The following SRGAP3 variants were observed in gnomAD, a reference collection of about 807,000 sequenced individuals.
SRGAP3 encodes the protein SLIT-ROBO Rho GTPase-activating protein 3.
SRGAP3 carries 39 observed loss-of-function variants against 121.1 expected under a neutral mutation model. That is an observed-to-expected ratio of 0.32 (90% CI 0.25 to 0.42). SRGAP3 has a LOEUF of 0.42. SRGAP3 is among the 10% of genes least tolerant of loss of function. SRGAP3 has a pLI of 1.00. For missense variants in SRGAP3, 1,213 were observed against 1,470.6 expected, an observed-to-expected ratio of 0.82 and a Z score of 2.86; for synonymous variants, 601 against 570.0, an observed-to-expected ratio of 1.05 and a Z score of -0.77.
At chr3:9,265,844 C>G (rs1175779739) in intron 3 of SRGAP3, among the ~76,000 whole-genome samples, 1 of 152,146 alleles carries the variant, frequency 6.6e-6, no homozygotes, top group Non-Finnish European at 1.5e-5. Flanking sequence ...TCCAGAAATA[C>G]CATTTAACCC....
rs533197239 is a variant in SRGAP3 at position 9,302,764 on chromosome 3, T to G, written n.442+23246A>C. ...CCTATCCCGGGGGAAGAGCGCCACCTGGCGAACCGCTCTGAGAATGTCCCA... is the reference window on the plus strand; with the variant it reads ...CCTATCCCGGGGGAAGAGCGCCACCGGGCGAACCGCTCTGAGAATGTCCCA... On this transcript the variant is annotated intron_variant and non_coding_transcript_variant, in intron 3 of 3. Coordinates refer to the SRGAP3 transcript ENST00000490889. Among the ~76,000 whole-genome samples the G allele has an allele frequency of 6.2e-4, 94 of 152,216 alleles. 1 individual carries two copies. The South Asian group carries it at 0.019, about 31-fold the overall frequency.
intron 1 of SRGAP3, among the ~76,000 whole-genome samples, chr3:9,153,406 C>T (rs1950280161): frequency 6.6e-6 from 1 of 152,144 alleles, no homozygotes; most frequent in Non-Finnish European, 1.5e-5. Context: ...AGAAAAAAAC[C>T]TGAGGCATAC....
At chr3:9,104,560 A>G (rs1948344557) in intron 3 of SRGAP3, 120 bp downstream of exon 3, 2 of 1,361,476 alleles carry the variant, frequency 1.5e-6, no homozygotes, top group East Asian at 2.3e-5. Context: ...GCATCCTTCA[A>G]TGCACCTGCC....
intron 2 of SRGAP3, among the ~76,000 whole-genome samples, chr3:9,112,657 C>T (rs1213141419): frequency 6.6e-6 from 1 of 152,168 alleles, no homozygotes; most frequent in Non-Finnish European, 1.5e-5. Context: ...CATCAGGGGA[C>T]CCTGGGGTCC....
At chr3:9,156,624 G>T (rs1478499636) in intron 1 of SRGAP3, among the ~76,000 whole-genome samples, 2 of 152,196 alleles carry the variant, frequency 1.3e-5, no homozygotes, top group Non-Finnish European at 2.9e-5. Flanking sequence ...AGCCTGGTTT[G>T]GGACTCTGCC....
rs546104640 is a variant in SRGAP3 at position 9,195,914 on chromosome 3, C to G, written c.67+52971G>C. On this transcript the variant is annotated intron_variant, in intron 1 of 21. Coordinates refer to ENST00000383836, the MANE Select transcript of SRGAP3 (RefSeq NM_014850.4). ...GAGGCTACAGTGAGCCATGATCACA[C>G]CATTGCACTCCAACCTGGGTGATAG... Among the ~76,000 whole-genome samples, 198 of 152,238 alleles carry G rather than the reference C, an allele frequency of 1.3e-3. 1 individual carries two copies. Among genetic ancestry groups the G allele is most frequent in the African/African-American group, 4.3e-3 (179 of 41,542 alleles).
intron 1 of SRGAP3, among the ~76,000 whole-genome samples, chr3:9,170,732 C>T (rs1950947651): frequency 6.6e-6 from 1 of 152,252 alleles, no homozygotes; most frequent in Non-Finnish European, 1.5e-5. Context: ...AAGCGTGGGT[C>T]TGAGGCCCAA....
Position 9,266,965 on chromosome 3 carries a change from C to A in SRGAP3, n.442+59045G>T, listed in dbSNP as rs146858457. On this transcript the variant is annotated intron_variant and non_coding_transcript_variant, in intron 3 of 3. Transcript: ENST00000490889. ...TGTTGGAAGACACAGGAGGGAGAACCAAGTCAGTGTTAGGTCAAGAAACTG... is the reference window on the plus strand; with the variant it reads ...TGTTGGAAGACACAGGAGGGAGAACAAAGTCAGTGTTAGGTCAAGAAACTG... Among the ~76,000 whole-genome samples the A allele has an allele frequency of 6.6e-5, 10 of 152,272 alleles. 1 individual carries two copies. The highest frequency in any genetic ancestry group is 1.3e-4 in the Non-Finnish European group (9 of 68,018).
chr3:9,112,820 C>T (rs1948677862), intron 2 of SRGAP3, among the ~76,000 whole-genome samples: 1 of 152,266 alleles, frequency 6.6e-6, no homozygotes, highest in South Asian at 2.1e-4. Flanking sequence ...GGTCTTTGTC[C>T]CCTCTCTAGC....
intron 1 of SRGAP3, among the ~76,000 whole-genome samples, chr3:9,178,696 C>T (rs1951271480): frequency 6.6e-6 from 1 of 152,156 alleles, no homozygotes. Flanking sequence ...ATGACGGATG[C>T]TCCCAATGCC....
intron 11 of SRGAP3, chr3:9,036,050 C>T (rs765021565): frequency 2.6e-5 from 4 of 152,216 alleles, no homozygotes; most frequent in Non-Finnish European, 4.4e-5. Context: ...ATTTGCAATA[C>T]GCTTTTAAAC....
chr3:9,200,816 G>T (rs1331583819), intron 1 of SRGAP3, among the ~76,000 whole-genome samples: 1 of 152,190 alleles, frequency 6.6e-6, no homozygotes, highest in Non-Finnish European at 1.5e-5. Context: ...TGAATCCCGT[G>T]GTGGGGCCCA....
At position 9,077,732 on chromosome 3, in the gene SRGAP3, T is replaced by C. The variant is rs563925486; in HGVS notation, c.486+2293A>G. Among the ~76,000 whole-genome samples the C allele has an allele frequency of 5.0e-4, 76 of 152,346 alleles. 2 individuals are homozygous for C. Among genetic ancestry groups the C allele is most frequent in the Non-Finnish European group, 5.0e-4 (34 of 68,030 alleles). On this transcript the variant is annotated intron_variant, in intron 4 of 21. Transcript: ENST00000383836. ...AGGGAGGTGTGCATGGAGCACCTGC[T>C]GGATTCAGGCCACTGTGCTGGGCAC...
At chr3:9,261,070 T>C (rs1490319788) in intron 3 of SRGAP3, among the ~76,000 whole-genome samples, 1 of 151,982 alleles carries the variant, frequency 6.6e-6, no homozygotes, top group Non-Finnish European at 1.5e-5. Context: ...GGATCTGGAG[T>C]GGACCTCCAG....
chr3:9,093,721 C>T (rs948653588), intron 3 of SRGAP3, among the ~76,000 whole-genome samples: 7 of 152,168 alleles, frequency 4.6e-5, no homozygotes, highest in Non-Finnish European at 5.9e-5. Context: ...CACCGTCCAT[C>T]CAAAATCTCT....
At chr3:9,336,477 G>C (rs1239562536) in intron 1 of SRGAP3, among the ~76,000 whole-genome samples, 2 of 152,074 alleles carry the variant, frequency 1.3e-5, no homozygotes, top group Non-Finnish European at 2.9e-5. Flanking sequence ...AGACTCTCAA[G>C]TTGTTAGGAT....
At chr3:9,346,851 G>T (rs1955900335) in intron 1 of SRGAP3, among the ~76,000 whole-genome samples, 1 of 150,490 alleles carries the variant, frequency 6.6e-6, no homozygotes, top group Admixed American at 6.6e-5. Context: ...TGCCTCCTGG[G>T]TTCAAGCAAT....
At chr3:9,029,976 A>AC (rs1944397299) in intron 12 of SRGAP3, among the ~76,000 whole-genome samples, 1 of 91,558 alleles carries the variant, frequency 1.1e-5, no homozygotes, top group East Asian at 3.8e-4. Flanking sequence ...TCCTGTCTCT[A>AC]CAAAAAAAAA....
intron 14 of SRGAP3, among the ~76,000 whole-genome samples, chr3:9,018,542 G>A (rs2125048002): frequency 6.6e-6 from 1 of 152,174 alleles, no homozygotes; most frequent in South Asian, 2.1e-4. Context: ...TTTAATAATA[G>A]CCATTCTAAC....
Sources: gnomAD v4.1 joint callset for allele counts (sites outside exome capture counted in the v4.1 genomes callset) on GRCh38, gnomAD v4.1.1 for gene constraint, MANE v1.5 for transcripts, NCBI Gene and HGNC (gene_info 2026-07-23, HGNC 2026-07-21) for gene names.